Variants in ZNF808 observed in about 807,000 individuals in gnomAD.
The protein encoded by ZNF808 is zinc finger protein 808.
ZNF808 carries 5 observed loss-of-function variants against 8.7 expected under a neutral mutation model. The ratio of observed to expected loss-of-function variants is 0.58; its 90% CI spans 0.30 to 1.21. The LOEUF is 1.21. Among genes scored for constraint, ZNF808 ranks in the 50% most tolerant of loss-of-function variants. ZNF808 has a pLI of 0.07. For missense variants in ZNF808, 1,103 were observed against 1,098.4 expected, an observed-to-expected ratio of 1.00 and a Z score of -0.06; for synonymous variants, 380 against 366.0, an observed-to-expected ratio of 1.04 and a Z score of -0.44.
chr19:52,567,559 T>C (rs1340768926), downstream of ZNF808, among the ~76,000 whole-genome samples: 1 of 150,124 alleles, frequency 6.7e-6, no homozygotes, highest in Non-Finnish European at 1.5e-5. Flanking sequence ...AGTTTCACTC[T>C]AGTTCCCTGG....
chr19:52,548,202 C>G (rs531707651), intron 4 of ZNF808, among the ~76,000 whole-genome samples: 173 of 152,238 alleles, frequency 1.1e-3, no homozygotes, highest in Middle Eastern at 6.8e-3. Context: ...GTATGAGGCT[C>G]TTGACTGAAC....
Position 52,554,461 on chromosome 19 carries a change from G to C in ZNF808, c.1545G>C (p.Gln515His), listed in dbSNP as rs2123202742. The change falls in exon 5 of 5, where the codon CAG (glutamine) becomes CAC (histidine). Residue 515 changes from glutamine (Q) to histidine (H), a missense_variant. Transcript: ENST00000359798. ...HSGEKPYKCN[Q>H]CGNTFRHRAS... The stretch of plus-strand genomic sequence containing the variant: ...GTGAAAAACCTTACAAGTGTAATCA[G>C]TGTGGCAATACCTTCCGTCACCGGG... The C allele has an allele frequency of 6.2e-7, 1 of 1,614,036 alleles. No individual in the cohort carries two copies. The highest frequency in any genetic ancestry group is 8.5e-7 in the Non-Finnish European group (1 of 1,179,980).
chr19:52,548,599 G>T (rs1255684457), intron 4 of ZNF808, among the ~76,000 whole-genome samples: 1 of 152,026 alleles, frequency 6.6e-6, no homozygotes, highest in East Asian at 1.9e-4. Flanking sequence ...ATTTTTGGTG[G>T]TTCTATTACA....
At chr19:52,561,295 T>G (rs2059857500), downstream of ZNF808, among the ~76,000 whole-genome samples, 1 of 150,756 alleles carries the variant, frequency 6.6e-6, no homozygotes, top group South Asian at 2.1e-4. Context: ...CGTGCAGGTT[T>G]GTTACACATG....
downstream of ZNF808, among the ~76,000 whole-genome samples, chr19:52,557,641 G>A (rs1375493935): frequency 1.3e-5 from 2 of 152,162 alleles, no homozygotes; most frequent in Non-Finnish European, 2.9e-5. Context: ...CTGTTTTCAA[G>A]GTCAATAGCT....
chr19:52,559,213 A>G (rs1004711626), downstream of ZNF808, among the ~76,000 whole-genome samples: 2 of 152,132 alleles, frequency 1.3e-5, no homozygotes, highest in Non-Finnish European at 2.9e-5. Context: ...GGACAATGGA[A>G]TGTCTCGGTG....
chr19:52,539,239 G>T (rs2059645068), intron 2 of ZNF808, among the ~76,000 whole-genome samples: 1 of 140,766 alleles, frequency 7.1e-6, no homozygotes, highest in Non-Finnish European at 1.5e-5. Flanking sequence ...TGTCACGCAG[G>T]CTGGAGTGGA....
Position 52,555,223 on chromosome 19 carries a change from C to G in ZNF808, c.2307C>G (p.Gly769=). ...GEKPYKCNDC[G]NTFRHWSSLV... is the part of the protein sequence containing the mutation. The stretch of plus-strand genomic sequence containing the variant: ...AACCTTACAAGTGTAACGACTGTGG[C>G]AATACCTTCCGTCACTGGTCATCCC... The change falls in exon 5 of 5, where the codon GGC becomes GGG. Residue 769 remains glycine, a synonymous_variant. Transcript: ENST00000359798. 1.9e-6 allele frequency: 3 copies of G among 1,613,810 alleles called. No homozygotes were observed. The highest frequency in any genetic ancestry group is 2.5e-6 in the Non-Finnish European group (3 of 1,179,968).
downstream of ZNF808, among the ~76,000 whole-genome samples, chr19:52,565,483 A>G (rs1232123405): frequency 6.6e-6 from 1 of 152,174 alleles, no homozygotes; most frequent in Non-Finnish European, 1.5e-5. Context: ...GTGGGCCTCA[A>G]GATCTCCACC....
At chr19:52,543,130 C>CCT in intron 2 of ZNF808, 136 bp from the exon 3 acceptor site, 1 of 844,116 alleles carries the variant, frequency 1.2e-6, no homozygotes, top group South Asian at 1.8e-5. Flanking sequence ...GACTTTCTTA[C>CCT]CTCTGCATGA....
intron 2 of ZNF808, among the ~76,000 whole-genome samples, chr19:52,537,961 G>T (rs777989590): frequency 7.1e-6 from 1 of 140,952 alleles, no homozygotes; most frequent in Non-Finnish European, 1.5e-5. Flanking sequence ...CCCATGGTGG[G>T]GTAGGAAGTG....
chr19:52,542,362 C>T (rs2059679262), intron 2 of ZNF808, among the ~76,000 whole-genome samples: 1 of 152,164 alleles, frequency 6.6e-6, no homozygotes, highest in African/African-American at 2.4e-5. Context: ...TCCACTGCTC[C>T]AGCCCCACGG....
chr19:52,545,507 C>T (rs2059712133), intron 3 of ZNF808, among the ~76,000 whole-genome samples: 1 of 152,120 alleles, frequency 6.6e-6, no homozygotes, highest in African/African-American at 2.4e-5. Context: ...GGGCCGGGCC[C>T]GGTTGCTCAC....
At chr19:52,535,036 G>A (rs1438425182) in intron 2 of ZNF808, among the ~76,000 whole-genome samples, 1 of 150,022 alleles carries the variant, frequency 6.7e-6, no homozygotes, top group Admixed American at 6.6e-5. Flanking sequence ...TTAAAAACGG[G>A]TTAAAAAAAA....
downstream of ZNF808, among the ~76,000 whole-genome samples, chr19:52,559,517 G>A (rs879718025): frequency 2.6e-5 from 4 of 151,932 alleles, no homozygotes; most frequent in Non-Finnish European, 4.4e-5. Flanking sequence ...GTGCAGGCGC[G>A]GGTCCTCTGT....
rs766765041 is a variant in ZNF808, at chr19:52,554,233, A to C, written c.1317A>C (p.Lys439Asn). 1.2e-6 allele frequency: 2 copies of C among 1,613,750 alleles called. No individual in the cohort carries two copies. The highest frequency in any genetic ancestry group is 3.3e-5 in the Admixed American group (2 of 59,992). ...CEECDKVFSQ[K>N]STLERHKRIH... Reference sequence around the variant, plus strand: ...AATGTGACAAAGTTTTCAGTCAGAAATCAACCCTTGAGAGACATAAGAGAA... The same window carrying C: ...AATGTGACAAAGTTTTCAGTCAGAACTCAACCCTTGAGAGACATAAGAGAA... The change falls in exon 5 of 5, where the codon AAA becomes AAC. Residue 439 changes from lysine to asparagine, a missense_variant. By Grantham distance (94) the Lys-to-Asn change is moderately conservative. Transcript: ENST00000359798.
chr19:52,554,113 C>CAAGTGTAAT lies in ZNF808; in HGVS notation c.1198_1206dup (p.Lys400_Asn402dup), dbSNP rs2059807236. ...GAATTCATAGTGGAGAGAAAACATACAAGTGTAATGAGTGTGGTAAGGCTT... is the reference window on the plus strand; with the variant it reads ...GAATTCATAGTGGAGAGAAAACATACAAGTGTAATAAGTGTAATGAGTGTGGTAAGGCTT... On this transcript the variant is annotated inframe_insertion, in exon 5 of 5. Transcript: ENST00000359798. 3 of 1,614,152 alleles carry CAAGTGTAAT rather than the reference C, an allele frequency of 1.9e-6. No homozygotes were observed. The highest frequency in any genetic ancestry group is 2.5e-6 in the Non-Finnish European group (3 of 1,180,026).
chr19:52,568,064 C>T (rs1463669258), downstream of ZNF808, among the ~76,000 whole-genome samples: 1 of 152,154 alleles, frequency 6.6e-6, no homozygotes, highest in Non-Finnish European at 1.5e-5. Flanking sequence ...CGGTGGCATG[C>T]AGGCGCAACT....
chr19:52,544,986 G>A (rs1375992747), intron 3 of ZNF808, among the ~76,000 whole-genome samples: 3 of 152,006 alleles, frequency 2.0e-5, no homozygotes, highest in South Asian at 4.1e-4. Flanking sequence ...GGGTTTCACC[G>A]TATTGGTCAG....
Sources: gnomAD v4.1 joint callset for allele counts (sites outside exome capture counted in the v4.1 genomes callset) on GRCh38, gnomAD v4.1.1 for gene constraint, MANE v1.5 for transcripts, NCBI Gene and HGNC (gene_info 2026-07-23, HGNC 2026-07-21) for gene names.